Variants in RERG observed in about 807,000 individuals in gnomAD.
RERG encodes the protein RAS like estrogen regulated growth inhibitor, also known as ras-related and estrogen-regulated growth inhibitor.
In RERG, 25 loss-of-function variants were observed where a neutral mutation model predicts 23.2. That is an observed-to-expected ratio of 1.08 (90% CI 0.79 to 1.50). The LOEUF (loss-of-function observed/expected upper bound fraction) is 1.50. Among genes scored for constraint, RERG ranks in the 40% most tolerant of loss-of-function variants. The pLI is 0.00. For missense variants in RERG, 253 were observed against 250.1 expected (o/e 1.01, Z -0.08); for synonymous variants, 81 against 89.1 (o/e 0.91, Z 0.51).
intron 2 of RERG, among the ~76,000 whole-genome samples, chr12:15,146,771 C>T (rs189038828): frequency 9.9e-5 from 15 of 152,280 alleles, no homozygotes; most frequent in Admixed American, 8.5e-4. Flanking sequence ...GTGAGTTAAG[C>T]GCAGAATGAA....
intron 2 of RERG, among the ~76,000 whole-genome samples, chr12:15,195,356 G>A (rs956022830): frequency 6.6e-6 from 1 of 152,092 alleles, no homozygotes; most frequent in Non-Finnish European, 1.5e-5. Flanking sequence ...TGCTCAGAAT[G>A]CCAAGGGTGC....
At chr12:15,199,643 A>G (rs1419395614) in intron 2 of RERG, among the ~76,000 whole-genome samples, 1 of 152,124 alleles carries the variant, frequency 6.6e-6, no homozygotes, top group Non-Finnish European at 1.5e-5. Flanking sequence ...ATTTTCTAGG[A>G]TAGTAGTTTT....
At position 15,217,472 on chromosome 12, in the gene RERG, C is replaced by T; in HGVS notation, c.18G>A (p.Glu6=). 1 of 1,613,408 alleles carries T rather than the reference C, an allele frequency of 6.2e-7. No individual in the cohort carries two copies. Among genetic ancestry groups the T allele is most frequent in the East Asian group, 2.2e-5 (1 of 44,872 alleles). Reference sequence around the variant, plus strand: ...CTCTCCCAAATATTGCCAGTTTGACCTCCGCACTTTTAGCCATGATGGGTG... The same window carrying T: ...CTCTCCCAAATATTGCCAGTTTGACTTCCGCACTTTTAGCCATGATGGGTG... The part of the protein sequence containing the change: MAKSA[E]VKLAIFGRAG... The change falls in exon 2 of 5, where the codon GAG becomes GAA. Residue 6 remains glutamate, a synonymous_variant. Transcript: ENST00000256953.
At chr12:15,167,605 C>CA (rs1219111402) in intron 2 of RERG, among the ~76,000 whole-genome samples, 1 of 151,984 alleles carries the variant, frequency 6.6e-6, no homozygotes. Flanking sequence ...TTAAATATGC[C>CA]AAAAAGACAG....
At chr12:15,207,856 A>C (rs1432007110) in intron 2 of RERG, among the ~76,000 whole-genome samples, 5 of 152,188 alleles carry the variant, frequency 3.3e-5, no homozygotes, top group African/African-American at 4.8e-5. Flanking sequence ...GGATAAAGTT[A>C]AAGTCAATGC....
At chr12:15,117,593 C>T (rs1863746599) in intron 3 of RERG, among the ~76,000 whole-genome samples, 1 of 152,026 alleles carries the variant, frequency 6.6e-6, no homozygotes, top group African/African-American at 2.4e-5. Flanking sequence ...AAACACAGTG[C>T]CTCCAAGGTA....
At chr12:15,133,779 T>C (rs1230219039) in intron 2 of RERG, among the ~76,000 whole-genome samples, 1 of 150,916 alleles carries the variant, frequency 6.6e-6, no homozygotes, top group African/African-American at 2.4e-5. Flanking sequence ...GTTGTCAGTG[T>C]TTTGGATTTT....
chr12:15,153,236 T>C (rs1434753337), intron 2 of RERG, among the ~76,000 whole-genome samples: 1 of 152,188 alleles, frequency 6.6e-6, no homozygotes, highest in African/African-American at 2.4e-5. Flanking sequence ...AAGAAAGAAC[T>C]GGGGAGTTGT....
chr12:15,131,553 A>G (rs886987645), intron 2 of RERG, among the ~76,000 whole-genome samples: 1 of 152,184 alleles, frequency 6.6e-6, no homozygotes, highest in African/African-American at 2.4e-5. Context: ...TCCTACACTT[A>G]TGTTACTAGG....
At chr12:15,218,958 C>T (rs1865480555) in intron 1 of RERG, among the ~76,000 whole-genome samples, 1 of 152,092 alleles carries the variant, frequency 6.6e-6, no homozygotes, top group African/African-American at 2.4e-5. Context: ...GAGATTTTCA[C>T]TATCGTTAAT....
intron 2 of RERG, among the ~76,000 whole-genome samples, chr12:15,148,543 C>A (rs1864373081): frequency 6.6e-6 from 1 of 152,120 alleles, no homozygotes; most frequent in Non-Finnish European, 1.5e-5. Context: ...ACATTTCTAT[C>A]CATGTAAGCA....
At chr12:15,165,525 C>T (rs1334677558) in intron 2 of RERG, among the ~76,000 whole-genome samples, 4 of 152,180 alleles carry the variant, frequency 2.6e-5, no homozygotes, top group African/African-American at 9.7e-5. Context: ...ACTGCCTGCC[C>T]TTGGGCAAGT....
intron 2 of RERG, among the ~76,000 whole-genome samples, chr12:15,176,326 C>T (rs1864850693): frequency 6.6e-6 from 1 of 152,146 alleles, no homozygotes. Flanking sequence ...TTCCTAGTTT[C>T]TTTCAGCACC....
At chr12:15,145,854 A>G (rs1374038576) in intron 2 of RERG, among the ~76,000 whole-genome samples, 1 of 152,252 alleles carries the variant, frequency 6.6e-6, no homozygotes, top group African/African-American at 2.4e-5. Flanking sequence ...ATATCAGAAC[A>G]CAGAATAAAA....
chr12:15,207,237 A>T (rs906677979), intron 2 of RERG, among the ~76,000 whole-genome samples: 4 of 152,150 alleles, frequency 2.6e-5, no homozygotes, highest in Admixed American at 1.3e-4. Context: ...TTCCAAAACA[A>T]ACATTTCCAG....
At chr12:15,137,604 T>C (rs568055556) in intron 2 of RERG, among the ~76,000 whole-genome samples, 41 of 152,022 alleles carry the variant, frequency 2.7e-4, no homozygotes, top group African/African-American at 9.6e-4. Context: ...AATTTACAAC[T>C]AATCCAAGTC....
rs114210338 is a variant in RERG at position 15,208,933 on chromosome 12, T to G, written c.61+8496A>C. ...CTCCTCTCCTTTTTGACTGCCCACT[T>G]TACATACTGATACTTAAAAAAAAAA... On this transcript the variant is annotated intron_variant, in intron 2 of 4. Coordinates refer to ENST00000256953, the MANE Select transcript of RERG (RefSeq NM_032918.3). Among the ~76,000 whole-genome samples the G allele has an allele frequency of 5.9e-3, 878 of 147,774 alleles. 9 individuals carry two copies. The highest frequency in any genetic ancestry group is 0.021 in the African/African-American group (837 of 39,824).
intron 2 of RERG, among the ~76,000 whole-genome samples, chr12:15,209,116 C>A (rs1865333020): frequency 6.6e-6 from 1 of 152,282 alleles, no homozygotes; most frequent in African/African-American, 2.4e-5. Context: ...ATTCATCTGG[C>A]CTTCAGTAGC....
intron 2 of RERG, among the ~76,000 whole-genome samples, chr12:15,196,170 T>C (rs980615582): frequency 4.6e-5 from 7 of 152,184 alleles, no homozygotes; most frequent in Admixed American, 4.6e-4. Context: ...AACAATTTGT[T>C]GAACTGGATT....
Sources: allele counts gnomAD v4.1 joint callset (sites outside exome capture counted in the v4.1 genomes callset), GRCh38; gene constraint gnomAD v4.1.1; transcripts MANE v1.5; gene names NCBI Gene and HGNC (gene_info 2026-07-23, HGNC 2026-07-21).